The following CST8 variants were observed in gnomAD, a reference collection of about 807,000 sequenced individuals.
The protein encoded by CST8 is cystatin 8, also known as cystatin-8.
In CST8, 20 loss-of-function variants were observed where a neutral mutation model predicts 11.8. The ratio of observed to expected loss-of-function variants is 1.70; its 90% CI spans 1.20 to 2.47. The LOEUF (loss-of-function observed/expected upper bound fraction) is 2.47. Among genes scored for constraint, CST8 ranks in the 30% most tolerant of loss-of-function variants. The pLI is 0.00. For synonymous variants in CST8, 77 were observed against 63.1 expected (o/e 1.22, Z -1.05); for missense variants, 196 against 167.2 (o/e 1.17, Z -0.95).
In CST8 at chr20:23,492,941, T is replaced by A. The variant is rs1028556589; in HGVS notation, c.232-17T>A. The A allele has an allele frequency of 1.4e-6, 2 of 1,394,940 alleles. No homozygotes were observed. The highest frequency in any genetic ancestry group is 2.8e-5 in the African/African-American group (2 of 70,376). The allele number at this position is 1,394,940 out of a possible 1,614,324, so 86.4% of individuals were successfully genotyped here. A position where few individuals can be genotyped will look rare whatever the true frequency, so the allele number is the denominator to read the frequency against. On this transcript the variant is annotated splice_polypyrimidine_tract_variant and intron_variant, in intron 2 of 3. Coordinates refer to ENST00000246012, the MANE Select transcript of CST8 (RefSeq NM_005492.4). ...TACAACTCTTTTGAATAAAATTGCA[T>A]AATTGCTAACCAACAGGTCACAAAT...
At chr20:23,499,222 G>A (rs1199616244), downstream of CST8, among the ~76,000 whole-genome samples, 3 of 152,062 alleles carry the variant, frequency 2.0e-5, no homozygotes, top group Admixed American at 6.6e-5. Context: ...CTATGCACAG[G>A]TCTATTTCTA....
Position 23,495,818 on chromosome 20 carries a change from T to G in CST8, c.346-13T>G, listed in dbSNP as rs755470581. On this transcript the variant is annotated splice_polypyrimidine_tract_variant and intron_variant, in intron 3 of 3. Coordinates refer to ENST00000246012, the MANE Select transcript of CST8 (RefSeq NM_005492.4). ...GGCACTCTACTAATTTTTGTTGTTG[T>G]CATCTTTTTCAGAAATTAAGCTGCA... 1.4e-4 allele frequency: 213 copies of G among 1,570,552 alleles called. No individual in the cohort carries two copies. The highest frequency in any genetic ancestry group is 1.8e-4 in the Non-Finnish European group (205 of 1,149,262).
At chr20:23,500,447 A>G (rs1462796710), downstream of CST8, among the ~76,000 whole-genome samples, 1 of 151,964 alleles carries the variant, frequency 6.6e-6, no homozygotes, top group African/African-American at 2.4e-5. Context: ...ACCTAACTTA[A>G]TCCCATCTGC....
chr20:23,498,376 T>G (rs1988106504), downstream of CST8, among the ~76,000 whole-genome samples: 2 of 152,332 alleles, frequency 1.3e-5, no homozygotes, highest in South Asian at 4.1e-4. Flanking sequence ...ATCTCCAATG[T>G]CCATTAGGAG....
chr20:23,497,283 T>C (rs1987782), downstream of CST8, among the ~76,000 whole-genome samples: 66,660 of 152,130 alleles, frequency 0.44, 15,686 homozygotes, highest in Non-Finnish European at 0.53. Flanking sequence ...CCGGTCCCTC[T>C]GTTCGGGGTT....
chr20:23,492,042 C>A, intron 2 of CST8, 144 bp downstream of exon 2: 1 of 651,284 alleles, frequency 1.5e-6, no homozygotes, highest in East Asian at 2.7e-5. Flanking sequence ...ACTTCCACAG[C>A]ATCAATAAGG....
chr20:23,495,778 T>C, intron 3 of CST8, 53 bp from the exon 4 acceptor site: 5 of 417,302 alleles, frequency 1.2e-5, no homozygotes, highest in African/African-American at 2.5e-5. Context: ...TTCTTTTCTT[T>C]TTTTTTTTTT....
chr20:23,506,903 C>T, the CST8 span, among the ~76,000 whole-genome samples: 14 of 152,162 alleles, frequency 9.2e-5, no homozygotes, highest in Non-Finnish European at 1.9e-4. Flanking sequence ...CGATGTGACT[C>T]GTTAAGGTTT....
At chr20:23,495,328 C>T (rs1988009990) in intron 3 of CST8, among the ~76,000 whole-genome samples, 2 of 152,126 alleles carry the variant, frequency 1.3e-5, no homozygotes, top group South Asian at 2.1e-4. Context: ...GGGTGGGATT[C>T]CTGGGTTGAA....
the CST8 span, among the ~76,000 whole-genome samples, chr20:23,506,450 C>T: frequency 6.6e-6 from 1 of 152,148 alleles, no homozygotes; most frequent in African/African-American, 2.4e-5. Context: ...ATTCCCCATT[C>T]CTGAAGCTTA....
At chr20:23,495,077 T>C (rs971164289) in intron 3 of CST8, among the ~76,000 whole-genome samples, 2 of 152,232 alleles carry the variant, frequency 1.3e-5, no homozygotes, top group Non-Finnish European at 2.9e-5. Context: ...TGGTTTTCTG[T>C]TTCTGCATTA....
chr20:23,495,380 C>G (rs774471082), intron 3 of CST8, among the ~76,000 whole-genome samples: 3 of 152,270 alleles, frequency 2.0e-5, no homozygotes, highest in Non-Finnish European at 4.4e-5. Flanking sequence ...CACCTCACTG[C>G]TTTTCACAAT....
chr20:23,501,725 T>C, the CST8 span, among the ~76,000 whole-genome samples: 2 of 152,238 alleles, frequency 1.3e-5, no homozygotes, highest in East Asian at 1.9e-4. Flanking sequence ...ACGCTGATGA[T>C]GGCCACCCAT....
the CST8 span, among the ~76,000 whole-genome samples, chr20:23,502,626 C>T: frequency 9.2e-5 from 14 of 152,282 alleles, no homozygotes; most frequent in South Asian, 2.7e-3. Flanking sequence ...GATTCTTACA[C>T]CCAAACCTTC....
At chr20:23,494,414 C>A (rs920043021) in intron 3 of CST8, among the ~76,000 whole-genome samples, 26 of 152,188 alleles carry the variant, frequency 1.7e-4, no homozygotes, top group African/African-American at 4.6e-4. Context: ...TAAAAACTTT[C>A]TCTTTTTCCA....
At position 23,491,753 on chromosome 20, in the gene CST8, C is replaced by G. The variant is rs114856939; in HGVS notation, c.86C>G (p.Thr29Arg). The change falls in exon 2 of 4, where the codon ACA (threonine) becomes AGA (arginine). Residue 29 changes from threonine (T) to arginine (R), a missense_variant. Thr to Arg is a moderately conservative substitution (Grantham distance 71). Transcript: ENST00000246012. ...VARKDPKKNETGVLRKLKPVN... is the reference protein window; with the variant it reads ...VARKDPKKNERGVLRKLKPVN... ...AGGAAAGACCCAAAAAAGAATGAGA[C>G]AGGGGTGCTGAGGAAATTAAAACCC... 8 of 1,613,824 alleles carry G rather than the reference C, an allele frequency of 5.0e-6. No homozygotes were observed. Among genetic ancestry groups the G allele is most frequent in the Non-Finnish European group, 6.8e-6 (8 of 1,179,892 alleles).
downstream of CST8, among the ~76,000 whole-genome samples, chr20:23,496,815 G>A (rs562200999): frequency 2.0e-5 from 3 of 152,210 alleles, no homozygotes; most frequent in African/African-American, 4.8e-5. Context: ...CTGAGAAAAA[G>A]AATTCAGTGA....
chr20:23,505,131 GA>G, the CST8 span, among the ~76,000 whole-genome samples: 1 of 144,170 alleles, frequency 6.9e-6, no homozygotes, highest in African/African-American at 2.6e-5. Context: ...CCACAGGCAA[GA>G]AGCATTCTTT....
At chr20:23,501,758 T>C in the CST8 span, among the ~76,000 whole-genome samples, 1 of 152,202 alleles carries the variant, frequency 6.6e-6, no homozygotes, top group Non-Finnish European at 1.5e-5. Context: ...ACATTTTTGG[T>C]CGTGAACTTA....
Sources: gnomAD v4.1 joint callset for allele counts (sites outside exome capture counted in the v4.1 genomes callset) on GRCh38, gnomAD v4.1.1 for gene constraint, MANE v1.5 for transcripts, NCBI Gene and HGNC (gene_info 2026-07-23, HGNC 2026-07-21) for gene names.